The following PCDHA2 variants were observed in gnomAD, a reference collection of about 807,000 sequenced individuals.
PCDHA2 encodes protocadherin alpha-2.
A neutral mutation model predicts 66.0 loss-of-function variants in PCDHA2; 58 were observed. The observed-to-expected ratio is 0.88, with a 90% CI of 0.71 to 1.09. The LOEUF (loss-of-function observed/expected upper bound fraction) is 1.09, where lower values mean the gene tolerates loss of function less well. Ranked by LOEUF, PCDHA2 falls within the 50% of genes least tolerant of loss-of-function variation. The pLI, the probability that PCDHA2 is intolerant of heterozygous loss-of-function variation, is 0.00. For missense variants in PCDHA2, 1,267 were observed against 1,242.3 expected (o/e 1.02, Z -0.30); for synonymous variants, 634 against 554.0 (o/e 1.14, Z -2.03).
At chr5:140,966,860 T>TTGC (rs148181752) in intron 1 of PCDHA2, 11 of 1,577,372 alleles carry the variant, frequency 7.0e-6, no homozygotes, top group Non-Finnish European at 9.4e-6. Flanking sequence ...CCTGCTGCTG[T>TTGC]TGCTGCTGCT....
In PCDHA2 at chr5:140,850,602, G is replaced by T. The variant is rs146973370; in HGVS notation, c.2388+53250G>T. ...GGATGTCAACGTGTACCTGATCATC[G>T]CCATCTGCGCGGTGTCTAGCCTGTT... On this transcript the variant is annotated intron_variant, in intron 1 of 3. Coordinates refer to ENST00000526136, the MANE Select transcript of PCDHA2 (RefSeq NM_018905.3). 1.5e-4 allele frequency: 240 copies of T among 1,598,420 alleles called. 25 individuals carry two copies. The highest frequency in any genetic ancestry group is 1.8e-4 in the Non-Finnish European group (209 of 1,167,886).
chr5:140,865,091 A>G (rs1010954942), intron 1 of PCDHA2: 3 of 152,218 alleles, frequency 2.0e-5, no homozygotes, highest in Non-Finnish European at 4.4e-5. Context: ...GATATTAATA[A>G]AGGCACTTCC....
intron 1 of PCDHA2, chr5:140,808,970 C>T: frequency 6.2e-7 from 1 of 1,613,572 alleles, no homozygotes; most frequent in South Asian, 1.1e-5. Flanking sequence ...GGCAAAGGTG[C>T]GCGCGGTGGA....
intron 1 of PCDHA2, among the ~76,000 whole-genome samples, chr5:140,903,411 A>G (rs265314): frequency 0.015 from 2,274 of 152,338 alleles, 53 homozygotes; most frequent in African/African-American, 0.052. Flanking sequence ...TGCAGTCAGG[A>G]AAAATTCAGC....
chr5:140,879,806 T>C (rs2058125905), intron 1 of PCDHA2, among the ~76,000 whole-genome samples: 1 of 152,250 alleles, frequency 6.6e-6, no homozygotes, highest in Non-Finnish European at 1.5e-5. Context: ...CCAGTTTCTA[T>C]TGGCTGTTGG....
At chr5:140,813,284 ATC>A (rs1554126160) in intron 1 of PCDHA2, 160 of 152,310 alleles carry the variant, frequency 1.1e-3, no homozygotes, top group African/African-American at 3.8e-3. Context: ...TGAGAATTGT[ATC>A]ATTCTGAGAT....
chr5:140,856,803 A>G, intron 1 of PCDHA2: 4 of 1,595,568 alleles, frequency 2.5e-6, no homozygotes, highest in Non-Finnish European at 3.4e-6. Flanking sequence ...AAGATGTATG[A>G]AAATCAAGTG....
intron 1 of PCDHA2, among the ~76,000 whole-genome samples, chr5:140,839,681 GA>G (rs1261753126): frequency 6.6e-6 from 1 of 152,000 alleles, no homozygotes; most frequent in Non-Finnish European, 1.5e-5. Context: ...CAACTACAGA[GA>G]TTTTTTTGGG....
intron 1 of PCDHA2, among the ~76,000 whole-genome samples, chr5:140,873,433 C>A (rs1404157271): frequency 2.0e-5 from 3 of 152,116 alleles, no homozygotes; most frequent in African/African-American, 7.2e-5. Context: ...TATTTTATAT[C>A]ACATAAATAA....
At chr5:140,841,733 CA>C in intron 1 of PCDHA2, 1 of 1,613,850 alleles carries the variant, frequency 6.2e-7, no homozygotes, top group Non-Finnish European at 8.5e-7. Flanking sequence ...GGTAAAAGAC[CA>C]AAAGCTGTTT....
In PCDHA2 at chr5:140,796,921, GAC is replaced by G; in HGVS notation, c.1958_1959del (p.Asp653AlafsTer122). On this transcript the variant is annotated frameshift_variant, in exon 1 of 4. Transcript: ENST00000526136. LOFTEE classifies it high-confidence loss of function. ...PRHRLLVLVKDHGEPALTATA... is the reference protein window; with the variant it reads ...PRHRLLVLVKXHGEPALTATA... The stretch of plus-strand genomic sequence containing the variant: ...ACACCGCCTACTCGTGCTGGTGAAG[GAC>G]CACGGCGAACCAGCGTTGACAGCCA... The G allele has an allele frequency of 6.2e-7, 1 of 1,613,880 alleles. No homozygotes were observed. The highest frequency in any genetic ancestry group is 8.5e-7 in the Non-Finnish European group (1 of 1,179,988).
chr5:140,945,654 AT>A (rs1230046600), intron 1 of PCDHA2, among the ~76,000 whole-genome samples: 5 of 152,294 alleles, frequency 3.3e-5, no homozygotes, highest in Admixed American at 3.3e-4. Flanking sequence ...ATGGAGCAGA[AT>A]ACAGCTCCCA....
In PCDHA2 at chr5:140,888,611, G is replaced by C. The variant is rs1554183538; in HGVS notation, c.2389-90338G>C. Reference sequence around the variant, plus strand: ...CACATTCAGAGCAGCTTTTAGTGTAGCACTAATTCGGCCTTCTATTACAGC... The same window carrying C: ...CACATTCAGAGCAGCTTTTAGTGTACCACTAATTCGGCCTTCTATTACAGC... On this transcript the variant is annotated intron_variant, in intron 1 of 3. Transcript: ENST00000526136. Among the ~76,000 whole-genome samples the C allele has an allele frequency of 2.0e-5, 3 of 152,144 alleles. No homozygotes were observed. In the East Asian group the frequency reaches 5.8e-4, roughly 29 times the overall value.
In PCDHA2 at chr5:140,848,354, C is replaced by T. The variant is rs1427419086; in HGVS notation, c.2388+51002C>T. The T allele has an allele frequency of 5.9e-6, 6 of 1,023,948 alleles. No homozygotes were observed. In the East Asian group the frequency reaches 7.1e-5, roughly 12 times the overall value. The allele number at this position is 1,023,948 out of a possible 1,614,324, so 63.4% of individuals were successfully genotyped here. On this transcript the variant is annotated intron_variant, in intron 1 of 3. Transcript: ENST00000526136. Reference sequence around the variant, plus strand: ...AATCCAGACAAATACAGCCCTTTTCCCATGGGAAAGAGGCTCAATTCTTTT... The same window carrying T: ...AATCCAGACAAATACAGCCCTTTTCTCATGGGAAAGAGGCTCAATTCTTTT...
intron 1 of PCDHA2, chr5:140,857,826 T>A (rs782420102): frequency 6.3e-7 from 1 of 1,597,464 alleles, no homozygotes; most frequent in South Asian, 1.1e-5. Context: ...GTGGCTAAGG[T>A]GCGCGCAGTG....
intron 1 of PCDHA2, chr5:140,883,347 G>A (rs782384832): frequency 3.7e-6 from 6 of 1,614,046 alleles, no homozygotes; most frequent in African/African-American, 1.3e-5. Flanking sequence ...CTCCCCATCA[G>A]AGAAGACACT....
At chr5:140,934,245 T>C (rs2089728870) in intron 1 of PCDHA2, among the ~76,000 whole-genome samples, 1 of 152,158 alleles carries the variant, frequency 6.6e-6, no homozygotes, top group Non-Finnish European at 1.5e-5. Context: ...ATTGTGGAGA[T>C]TTATCAAAAT....
intron 1 of PCDHA2, chr5:140,867,818 C>G (rs1319756642): frequency 6.6e-6 from 1 of 152,040 alleles, no homozygotes; most frequent in African/African-American, 2.4e-5. Flanking sequence ...AATTCCATTT[C>G]CACAAGCACT....
intron 1 of PCDHA2, chr5:140,823,120 G>A (rs2150122509): frequency 6.2e-7 from 1 of 1,614,058 alleles, no homozygotes; most frequent in Non-Finnish European, 8.5e-7. Context: ...CGACGTGAAC[G>A]ACAACGCTCC....
Sources: gnomAD v4.1 joint callset for allele counts (sites outside exome capture counted in the v4.1 genomes callset) on GRCh38, gnomAD v4.1.1 for gene constraint, MANE v1.5 for transcripts, NCBI Gene and HGNC (gene_info 2026-07-23, HGNC 2026-07-21) for gene names.